KIF7: variants seen among roughly 807,000 people sequenced by gnomAD.
KIF7 encodes the protein kinesin family member 7, also known as kinesin-like protein KIF7.
In KIF7, 104 loss-of-function variants were observed where a neutral mutation model predicts 135.7. That is an observed-to-expected ratio of 0.77 (90% CI 0.65 to 0.90). The LOEUF (loss-of-function observed/expected upper bound fraction) is 0.90, where lower values mean the gene tolerates loss of function less well. Among genes scored for constraint, KIF7 ranks in the 40% least tolerant of loss-of-function variants. KIF7 has a pLI of 0.00. For missense variants in KIF7, 2,005 were observed against 1,839.1 expected, an observed-to-expected ratio of 1.09 and a Z score of -1.65; for synonymous variants, 883 against 809.4, an observed-to-expected ratio of 1.09 and a Z score of -1.54.
At chr15:89,639,243 T>C (rs1963871437) in intron 11 of KIF7, among the ~76,000 whole-genome samples, 1 of 152,220 alleles carries the variant, frequency 6.6e-6, no homozygotes, top group Admixed American at 6.5e-5. Flanking sequence ...AAGGACTTCA[T>C]GTCTAAAACA....
rs1963716218 is a variant in KIF7, at chr15:89,633,008, T to TAGGGAGGGAGGGGGGGAGGG, written c.2719-13_2719-12insCCCTCCCCCCCTCCCTCCCT. On this transcript the variant is annotated splice_polypyrimidine_tract_variant and intron_variant, in intron 13 of 18. Transcript: ENST00000394412. ...TGCTCCTCAATCTTCTAAGGAAAAG[T>TAGGGAGGGAGGGGGGGAGGG]AGGGAGGGAGGGAGGGAACTCAGGG... 9.4e-7 allele frequency: 1 copy of TAGGGAGGGAGGGGGGGAGGG among 1,062,830 alleles called. No individual in the cohort carries two copies. Among genetic ancestry groups the TAGGGAGGGAGGGGGGGAGGG allele is most frequent in the African/African-American group, 1.7e-5 (1 of 59,716 alleles). 65.8% of individuals were successfully genotyped at this position (1,062,830 alleles called of 1,614,324 possible). A position where few individuals can be genotyped will look rare whatever the true frequency, so the allele number is the denominator to read the frequency against.
At chr15:89,625,326 GCA>G (rs1285787452), downstream of KIF7, 1 of 1,614,048 alleles carries the variant, frequency 6.2e-7, no homozygotes, top group Middle Eastern at 1.6e-4. Flanking sequence ...CATCCCCCAA[GCA>G]CAGTGGGAAG....
In KIF7 at chr15:89,631,420, G is replaced by C. The variant is rs1036856306; in HGVS notation, c.3111+75C>G. On this transcript the variant is annotated intron_variant, in intron 15 of 18. Coordinates refer to ENST00000394412, the MANE Select transcript of KIF7 (RefSeq NM_198525.3). ...AAGGCCCAGCACCCGCAGAGGGCTGGAGCAAGGGCTGAGGAGAGCAGACAG... is the reference window on the plus strand; with the variant it reads ...AAGGCCCAGCACCCGCAGAGGGCTGCAGCAAGGGCTGAGGAGAGCAGACAG... The C allele has an allele frequency of 5.9e-6, 8 of 1,346,554 alleles. No individual in the cohort carries two copies. In the African/African-American group the frequency reaches 7.2e-5, roughly 12 times the overall value. 83.4% of individuals were successfully genotyped at this position (1,346,554 alleles called of 1,614,324 possible). A position where few individuals can be genotyped will look rare whatever the true frequency, so the allele number is the denominator to read the frequency against.
chr15:89,628,499 A>G lies in KIF7; in HGVS notation c.3952T>C (p.Phe1318Leu). 6.2e-7 allele frequency: 1 copy of G among 1,612,646 alleles called. No individual in the cohort carries two copies. Among genetic ancestry groups the G allele is most frequent in the Non-Finnish European group, 8.5e-7 (1 of 1,179,670 alleles). ...PVGEAGLPWN[F>L]GPLSKPRREL... The stretch of plus-strand genomic sequence containing the variant: ...CGCCGGGGCTTGGACAAAGGCCCAA[A>G]GTTCCAGGGCAGGCCTGCCTCACCC... The change falls in exon 19 of 19, where the codon TTT becomes CTT. Residue 1318 changes from phenylalanine to leucine, a missense_variant. Coordinates refer to ENST00000394412, the MANE Select transcript of KIF7 (RefSeq NM_198525.3).
At chr15:89,651,972 G>A (rs1964130827) in intron 2 of KIF7, among the ~76,000 whole-genome samples, 1 of 152,128 alleles carries the variant, frequency 6.6e-6, no homozygotes, top group Non-Finnish European at 1.5e-5. Flanking sequence ...TCAATCTGCT[G>A]GTGCCTTCAT....
In KIF7 at chr15:89,630,426, T is replaced by C. The variant is rs886039282; in HGVS notation, c.3179A>G (p.Asn1060Ser). 6.2e-7 allele frequency: 1 copy of C among 1,602,472 alleles called. No individual in the cohort carries two copies. Among genetic ancestry groups the C allele is most frequent in the Non-Finnish European group, 8.5e-7 (1 of 1,174,380 alleles). ...CCGCTGGCGGCATGTGATGGCCTCATTCTTATACTCAATGGCAGCATCCAG... is the reference window on the plus strand; with the variant it reads ...CCGCTGGCGGCATGTGATGGCCTCACTCTTATACTCAATGGCAGCATCCAG... ...EALDAAIEYKNEAITCRQRVL... is the reference protein window; with the variant it reads ...EALDAAIEYKSEAITCRQRVL... The change falls in exon 16 of 19, where the codon AAT becomes AGT. Residue 1060 changes from asparagine (N) to serine (S), a missense_variant. Physicochemically the swap from Asn to Ser is conservative, Grantham distance 46. Coordinates refer to ENST00000394412, the MANE Select transcript of KIF7 (RefSeq NM_198525.3).
chr15:89,641,421 AAGAC>A (rs929412238), intron 11 of KIF7, among the ~76,000 whole-genome samples: 6 of 152,194 alleles, frequency 3.9e-5, no homozygotes, highest in Non-Finnish European at 7.3e-5. Context: ...GTAGCAAACT[AAGAC>A]AGAGAATGCA....
At chr15:89,629,671 G>T in intron 16 of KIF7, 98 bp from the exon 17 acceptor site, 1 of 1,511,052 alleles carries the variant, frequency 6.6e-7, no homozygotes, top group Non-Finnish European at 9.0e-7. Flanking sequence ...TTGCCACCAC[G>T]GCACTAAGAA....
chr15:89,648,599 C>T lies in KIF7; in HGVS notation c.1099G>A (p.Glu367Lys). ...WRPEAERPPEETASGARGPPR... is the reference protein window; with the variant it reads ...WRPEAERPPEKTASGARGPPR... ...GGACCCCGCGCGCCGCTCGCCGTCT[C>T]TTCGGGTGGCCGCTCGGCCTCGGGC... Residue 367 changes from glutamate to lysine, a missense_variant, in exon 5 of 19, where the codon GAG becomes AAG. Coordinates refer to ENST00000394412, the MANE Select transcript of KIF7 (RefSeq NM_198525.3). 6.5e-7 allele frequency: 1 copy of T among 1,531,242 alleles called. No individual in the cohort carries two copies. The highest frequency in any genetic ancestry group is 1.2e-5 in the South Asian group (1 of 83,938). The allele number at this position is 1,531,242 out of a possible 1,614,324, so 94.9% of individuals were successfully genotyped here. A position where few individuals can be genotyped will look rare whatever the true frequency, so the allele number is the denominator to read the frequency against.
downstream of KIF7, chr15:89,626,857 A>C: frequency 1.5e-6 from 2 of 1,344,610 alleles, no homozygotes; most frequent in African/African-American, 2.9e-5. Context: ...GATTTTCTTA[A>C]AGTCTGTTTT....
chr15:89,648,746 C>T lies in KIF7; in HGVS notation c.952G>A (p.Ala318Thr), dbSNP rs756368261. 9.5e-5 allele frequency: 146 copies of T among 1,535,598 alleles called. No homozygotes were observed. The Middle Eastern group carries it at 1.8e-3, about 19-fold the overall frequency. ...RILKDSLGGN[A>T]KTVMIACVSP... Reference sequence around the variant, plus strand: ...ACGCAGGCGATCATCACCGTCTTGGCGTTCCCGCCCAGCGAGTCTTTGAGG... The same window carrying T: ...ACGCAGGCGATCATCACCGTCTTGGTGTTCCCGCCCAGCGAGTCTTTGAGG... Residue 318 changes from alanine (A) to threonine (T), a missense_variant, in exon 5 of 19, where the codon GCC becomes ACC. Transcript: ENST00000394412.
chr15:89,633,815 C>A lies in KIF7; in HGVS notation c.2463G>T (p.Leu821=). ...VSLSAQSEKR[L]QELERNVQLM... ...GCTGCACGTTCCGCTCGAGCTCCTG[C>A]AGTCGCTTCTCACTCTGGGCCGACA... is the stretch of plus-strand genomic sequence containing the variant. Residue 821 remains leucine (L), a synonymous_variant, in exon 12 of 19, where the codon CTG becomes CTT. Transcript: ENST00000394412. 1.2e-6 allele frequency: 2 copies of A among 1,613,162 alleles called. No individual in the cohort carries two copies. The highest frequency in any genetic ancestry group is 2.2e-5 in the South Asian group (2 of 91,092).
At chr15:89,656,281 A>T (rs78340723), upstream of KIF7, among the ~76,000 whole-genome samples, 2,920 of 152,182 alleles carry the variant, frequency 0.019, 98 homozygotes, top group African/African-American at 0.066. Flanking sequence ...CTCGGGGAAC[A>T]GTGAAACCCA....
chr15:89,645,153 C>T lies in KIF7; in HGVS notation c.2051G>A (p.Ser684Asn). Residue 684 changes from serine (S) to asparagine (N), a missense_variant, in exon 10 of 19, where the codon AGC becomes AAC. Physicochemically the swap from Ser to Asn is conservative, Grantham distance 46. Coordinates refer to ENST00000394412, the MANE Select transcript of KIF7 (RefSeq NM_198525.3). The stretch of plus-strand genomic sequence containing the variant: ...CTGGCGGGCCTGAACTCGGGCCTTG[C>T]TCCCACCAACTGCTGCAACAGGCAG... ...AIPGSRAVGG[S>N]KARVQARQVP... is the part of the protein sequence containing the mutation. The T allele has an allele frequency of 6.2e-7, 1 of 1,604,408 alleles. No homozygotes were observed. Among genetic ancestry groups the T allele is most frequent in the South Asian group, 1.1e-5 (1 of 91,080 alleles).
intron 13 of KIF7, 67 bp downstream of exon 13, chr15:89,633,074 G>T: frequency 1.2e-6 from 2 of 1,600,116 alleles, no homozygotes; most frequent in South Asian, 1.1e-5. Flanking sequence ...AGGTTCACTG[G>T]GGAGAAAGGT....
chr15:89,624,550 C>G (rs1241604332), downstream of KIF7: 4 of 1,613,746 alleles, frequency 2.5e-6, no homozygotes, highest in Non-Finnish European at 2.5e-6. Context: ...AGCTGACAGC[C>G]CAGCTGCCCC....
At chr15:89,650,865 T>C (rs1964112601) in intron 2 of KIF7, among the ~76,000 whole-genome samples, 1 of 151,514 alleles carries the variant, frequency 6.6e-6, no homozygotes, top group Non-Finnish European at 1.5e-5. Flanking sequence ...TGTGAGCCCC[T>C]GCGCCTGGCC....
In KIF7 at chr15:89,649,773, A is replaced by C; in HGVS notation, c.497T>G (p.Ile166Ser). The C allele has an allele frequency of 1.9e-6, 3 of 1,551,838 alleles. No homozygotes were observed. In the South Asian group the frequency reaches 3.6e-5, roughly 18 times the overall value. The change falls in exon 3 of 19, where the codon ATC becomes AGC. Residue 166 changes from isoleucine to serine, a missense_variant. By Grantham distance (142) the Ile-to-Ser change is moderately radical. Coordinates refer to ENST00000394412, the MANE Select transcript of KIF7 (RefSeq NM_198525.3). ...LLEVGTASRD[I>S]QLREDERGNV... ...CCCGCGCTCATCTTCCCGGAGCTGG[A>C]TGTCACGGCTGGCAGTGCCCACCTC...
intron 2 of KIF7, among the ~76,000 whole-genome samples, chr15:89,617,470 ATGT>A (rs1963353479): frequency 6.6e-6 from 1 of 152,148 alleles, no homozygotes; most frequent in Admixed American, 6.5e-5. Context: ...TATAATTCTG[ATGT>A]TGTAAAATTG....
Sources: gnomAD v4.1 joint callset for allele counts (sites outside exome capture counted in the v4.1 genomes callset) on GRCh38, gnomAD v4.1.1 for gene constraint, MANE v1.5 for transcripts, NCBI Gene and HGNC (gene_info 2026-07-23, HGNC 2026-07-21) for gene names.